Variants in COPG2 observed in about 807,000 individuals in gnomAD.
The protein encoded by COPG2 is coat protein complex I subunit gamma 2.
In COPG2, 37 loss-of-function variants were observed where a neutral mutation model predicts 46.3. That is an observed-to-expected ratio of 0.80 (90% CI 0.61 to 1.05). The LOEUF is 1.05. COPG2 is among the 50% of genes least tolerant of loss of function. COPG2 has a pLI of 0.00. For synonymous variants in COPG2, 159 were observed against 129.7 expected (o/e 1.23, Z -1.53); for missense variants, 427 against 387.8 (o/e 1.10, Z -0.85).
At chr7:130,653,793 A>T (rs2116241328) in intron 4 of COPG2, among the ~76,000 whole-genome samples, 1 of 152,282 alleles carries the variant, frequency 6.6e-6, no homozygotes, top group Middle Eastern at 3.4e-3. Flanking sequence ...CCTTGATACT[A>T]CTGAACCCAT....
rs549942462 is a variant in COPG2 at position 130,574,553 on chromosome 7, C to T, written c.738-10160G>A. Among the ~76,000 whole-genome samples the T allele has an allele frequency of 1.6e-4, 24 of 152,234 alleles. No homozygotes were observed. In the East Asian group the frequency reaches 4.2e-3, roughly 27 times the overall value. On this transcript the variant is annotated intron_variant, in intron 9 of 23. Coordinates refer to ENST00000425248, the MANE Select transcript of COPG2 (RefSeq NM_012133.6). Reference sequence around the variant, plus strand: ...CAAAAGAATCAGAACAACAGACTTCCGCCTAGACCTTCCCTCTGACAGAGC... The same window carrying T: ...CAAAAGAATCAGAACAACAGACTTCTGCCTAGACCTTCCCTCTGACAGAGC...
chr7:130,550,283 T>TG (rs1793516479), intron 17 of COPG2, among the ~76,000 whole-genome samples: 1 of 151,660 alleles, frequency 6.6e-6, no homozygotes, highest in Non-Finnish European at 1.5e-5. Context: ...TGGTGGCGCA[T>TG]GCCTGTAATC....
chr7:130,640,493 T>C (rs1554457050), intron 5 of COPG2, among the ~76,000 whole-genome samples: 2 of 152,092 alleles, frequency 1.3e-5, no homozygotes, highest in Non-Finnish European at 2.9e-5. Flanking sequence ...CCAGTAGCTT[T>C]ATTTCATCTT....
intron 9 of COPG2, among the ~76,000 whole-genome samples, chr7:130,590,286 C>T (rs542575243): frequency 1.4e-4 from 22 of 152,014 alleles, no homozygotes; most frequent in Non-Finnish European, 2.1e-4. Flanking sequence ...TCTCTTTCCA[C>T]GGTCTCCCTC....
intron 20 of COPG2, chr7:130,510,911 C>T (rs1563032986): frequency 3.8e-6 from 2 of 519,898 alleles, no homozygotes; most frequent in Admixed American, 3.9e-5. Flanking sequence ...ATGAGAGTTA[C>T]ACAGACAAAG....
intron 5 of COPG2, among the ~76,000 whole-genome samples, chr7:130,619,341 G>A (rs531855942): frequency 4.6e-5 from 7 of 152,280 alleles, no homozygotes; most frequent in Non-Finnish European, 8.8e-5. Flanking sequence ...ACAGATGTAA[G>A]AGTGTCTTTT....
Position 130,608,020 on chromosome 7 carries a change from T to C in COPG2, c.737+2933A>G, listed in dbSNP as rs1794768849. 8.8e-6 allele frequency: 3 copies of C among 340,934 alleles called. No homozygotes were observed. The Admixed American group carries it at 1.2e-4, about 14-fold the overall frequency. 21.1% of individuals were successfully genotyped at this position (340,934 alleles called of 1,614,324 possible). A position where few individuals can be genotyped will look rare whatever the true frequency, so the allele number is the denominator to read the frequency against. On this transcript the variant is annotated intron_variant, in intron 9 of 23. Transcript: ENST00000425248. ...ATTATTATTTGCAGGAGGATTAAGC[T>C]GGCCAAGCTACACCATTATTGGAAG...
intron 20 of COPG2, among the ~76,000 whole-genome samples, chr7:130,537,016 G>C (rs986662017): frequency 1.1e-4 from 17 of 152,170 alleles, no homozygotes; most frequent in East Asian, 9.7e-4. Context: ...GGACTGACAG[G>C]AGCACCCAGG....
Position 130,657,421 on chromosome 7 carries a change from C to T in COPG2, c.244-4473G>A, listed in dbSNP as rs541997837. On this transcript the variant is annotated intron_variant, in intron 4 of 23. Transcript: ENST00000425248. The stretch of plus-strand genomic sequence containing the variant: ...GGATCATAAGGTAATTGATATAAAA[C>T]TACAAACACCCAGAAAAAAAGCACA... Among the ~76,000 whole-genome samples the T allele has an allele frequency of 2.6e-5, 4 of 152,176 alleles. No individual in the cohort carries two copies. The East Asian group carries it at 7.7e-4, about 29-fold the overall frequency.
intron 4 of COPG2, among the ~76,000 whole-genome samples, chr7:130,653,686 T>G (rs1554459475): frequency 6.6e-6 from 1 of 152,266 alleles, no homozygotes. Flanking sequence ...CTCTAGTCTG[T>G]CCAGCCTCAT....
intron 9 of COPG2, among the ~76,000 whole-genome samples, chr7:130,580,215 A>G (rs1196398489): frequency 6.6e-6 from 1 of 152,280 alleles, no homozygotes; most frequent in East Asian, 1.9e-4. Context: ...TCAACTACAT[A>G]GAAACTGAAC....
At chr7:130,574,166 C>T (rs572302614) in intron 9 of COPG2, among the ~76,000 whole-genome samples, 79 of 152,262 alleles carry the variant, frequency 5.2e-4, no homozygotes, top group African/African-American at 1.8e-3. Context: ...TTGGTCTAGC[C>T]GTACCATGGA....
chr7:130,571,834 C>CCTCTCT (rs1192254653), intron 9 of COPG2, among the ~76,000 whole-genome samples: 5 of 150,466 alleles, frequency 3.3e-5, no homozygotes, highest in African/African-American at 4.9e-5. Context: ...GAAAATGCGC[C>CCTCTCT]CTCTCTCTCT....
intron 9 of COPG2, among the ~76,000 whole-genome samples, chr7:130,576,090 G>A (rs1793994492): frequency 6.6e-6 from 1 of 152,148 alleles, no homozygotes; most frequent in South Asian, 2.1e-4. Flanking sequence ...CTAGACCTAA[G>A]AAATGAGATA....
At chr7:130,569,345 A>G (rs1367664406) in intron 9 of COPG2, among the ~76,000 whole-genome samples, 2 of 152,324 alleles carry the variant, frequency 1.3e-5, no homozygotes, top group Admixed American at 6.5e-5. Context: ...AGATCCAAGT[A>G]AGCTCAATTA....
chr7:130,591,307 G>A, intron 9 of COPG2, among the ~76,000 whole-genome samples: 1 of 94,964 alleles, frequency 1.1e-5, no homozygotes. Flanking sequence ...GCCCCGTCCG[G>A]GAGGTGAGGG....
chr7:130,509,096 C>A, intron 20 of COPG2: 1 of 451,742 alleles, frequency 2.2e-6, no homozygotes, highest in Admixed American at 2.6e-5. Context: ...ATTGACCAAT[C>A]TCATCAGCAT....
chr7:130,552,525 TC>T (rs1793548500), intron 14 of COPG2, 95 bp from the exon 15 acceptor site: 1 of 396,054 alleles, frequency 2.5e-6, no homozygotes, highest in African/African-American at 2.1e-5. Flanking sequence ...GTCCCCATGT[TC>T]AGTGGAGATA....
chr7:130,634,874 GA>G (rs1285182251), intron 5 of COPG2, among the ~76,000 whole-genome samples: 1 of 151,880 alleles, frequency 6.6e-6, no homozygotes, highest in African/African-American at 2.4e-5. Context: ...ATTATTTTGA[GA>G]TACGTTCCAT....
Sources: allele counts gnomAD v4.1 joint callset (sites outside exome capture counted in the v4.1 genomes callset), GRCh38; gene constraint gnomAD v4.1.1; transcripts MANE v1.5; gene names NCBI Gene and HGNC (gene_info 2026-07-23, HGNC 2026-07-21).